Variants in UBAP2L observed in about 807,000 individuals in gnomAD.
UBAP2L encodes the protein ubiquitin-associated protein 2-like.
UBAP2L carries 12 observed loss-of-function variants against 130.6 expected under a neutral mutation model. The observed-to-expected ratio is 0.09, with a 90% confidence interval of 0.06 to 0.15. UBAP2L has a LOEUF of 0.15. Among genes scored for constraint, UBAP2L ranks in the 10% least tolerant of loss-of-function variants. UBAP2L has a pLI of 1.00. For missense variants in UBAP2L, 965 were observed against 1,332.5 expected (o/e 0.72, Z 4.29); for synonymous variants, 503 against 524.7 (o/e 0.96, Z 0.57).
chr1:154,257,620 T>C (rs1680068051), intron 20 of UBAP2L, 186 bp downstream of exon 20: 6 of 626,820 alleles, frequency 9.6e-6, no homozygotes, highest in Non-Finnish European at 1.6e-5. Flanking sequence ...TTTTGATCTG[T>C]GTGTCTGGTT....
chr1:154,267,878 G>GTTTTTTTTTTTTTTT (rs1558238296), intron 25 of UBAP2L, among the ~76,000 whole-genome samples: 3 of 62,730 alleles, frequency 4.8e-5, no homozygotes, highest in Non-Finnish European at 1.1e-4. Context: ...CTCTTATTTG[G>GTTTTTTTTTTTTTTT]TCTTTTTTTT....
In UBAP2L at chr1:154,249,339, T is replaced by TGGCTCAGTTGGC; in HGVS notation, c.1116_1127dup (p.Leu375_Gln378dup). The TGGCTCAGTTGGC allele has an allele frequency of 6.2e-7, 1 of 1,614,220 alleles. No homozygotes were observed. The highest frequency in any genetic ancestry group is 8.5e-7 in the Non-Finnish European group (1 of 1,180,040). ...GAGCAATTCAAGACTGCCCAAGCCC[T>TGGCTCAGTTGGC]GGCTCAGTTGGCAGCTCAGCATTCT... is the stretch of plus-strand genomic sequence containing the variant. On this transcript the variant is annotated inframe_insertion, in exon 12 of 27. Coordinates refer to ENST00000428931, the MANE Select transcript of UBAP2L (RefSeq NM_014847.4).
intron 16 of UBAP2L, 122 bp from the exon 17 acceptor site, chr1:154,255,030 A>G: frequency 7.1e-7 from 1 of 1,408,516 alleles, no homozygotes; most frequent in Admixed American, 2.2e-5. Context: ...GATTCTACCT[A>G]ATATAGTCCA....
intron 10 of UBAP2L, among the ~76,000 whole-genome samples, chr1:154,244,206 A>G (rs1674566541): frequency 6.6e-6 from 1 of 152,174 alleles, no homozygotes; most frequent in Admixed American, 6.5e-5. Context: ...TTAACTACCC[A>G]GAGTTAATGC....
chr1:154,255,319 C>T lies in UBAP2L; in HGVS notation c.2077C>T (p.His693Tyr). Reference protein sequence around the residue: ...EEIPNTTTTQHSSTLSTQQNT... With the variant: ...EEIPNTTTTQYSSTLSTQQNT... Reference sequence around the variant, plus strand: ...GATTCCAAATACTACCACCACACAACACAGCAGGTGATTTGGGGTGAGGAT... The same window carrying T: ...GATTCCAAATACTACCACCACACAATACAGCAGGTGATTTGGGGTGAGGAT... Residue 693 changes from histidine (H) to tyrosine (Y), a missense_variant, in exon 17 of 27, where the codon CAC (histidine) becomes TAC (tyrosine). Physicochemically the swap from His to Tyr is moderately conservative, Grantham distance 83 (BLOSUM62 2). This residue lies in a region of UBAP2L where 393 missense variants were observed against 408.1 expected (regional missense o/e 0.96). Transcript: ENST00000428931. 6.2e-7 allele frequency: 1 copy of T among 1,613,770 alleles called. No homozygotes were observed. Among genetic ancestry groups the T allele is most frequent in the Non-Finnish European group, 8.5e-7 (1 of 1,179,826 alleles).
At chr1:154,260,333 C>T (rs1390492572) in intron 22 of UBAP2L, among the ~76,000 whole-genome samples, 1 of 152,114 alleles carries the variant, frequency 6.6e-6, no homozygotes, top group Non-Finnish European at 1.5e-5. Context: ...CATAGCAAGA[C>T]CCCATCTCCA....
Position 154,257,078 on chromosome 1 carries a change from A to C in UBAP2L, c.2173A>C (p.Ser725Arg). The C allele has an allele frequency of 6.2e-7, 1 of 1,613,618 alleles. No homozygotes were observed. The highest frequency in any genetic ancestry group is 8.5e-7 in the Non-Finnish European group (1 of 1,180,008). Reference sequence around the variant, plus strand: ...CCTTTTGAAGCACACAAGTGTGGAGAGTGAGGCGAATCTCCATTCTTCCTC... The same window carrying C: ...CCTTTTGAAGCACACAAGTGTGGAGCGTGAGGCGAATCTCCATTCTTCCTC... ...TSTLLHTSVESEANLHSSSST... is the reference protein window; with the variant it reads ...TSTLLHTSVEREANLHSSSST... Residue 725 changes from serine to arginine, a missense_variant, in exon 19 of 27, where the codon AGT (serine) becomes CGT (arginine). By Grantham distance (110) the Ser-to-Arg change is moderately radical (BLOSUM62 -1). Coordinates refer to ENST00000428931, the MANE Select transcript of UBAP2L (RefSeq NM_014847.4).
intron 16 of UBAP2L, 89 bp from the exon 17 acceptor site, chr1:154,255,063 G>T (rs1242522875): frequency 3.4e-6 from 5 of 1,482,868 alleles, no homozygotes; most frequent in Non-Finnish European, 4.6e-6. Context: ...TCATCCTTTT[G>T]TCTTTGGAAC....
At chr1:154,225,923 C>T (rs914200597) in intron 2 of UBAP2L, among the ~76,000 whole-genome samples, 1 of 152,228 alleles carries the variant, frequency 6.6e-6, no homozygotes, top group Admixed American at 6.5e-5. Flanking sequence ...AAGCAATTCT[C>T]CTGCCTCAGC....
At chr1:154,260,145 C>A in intron 22 of UBAP2L, 116 bp downstream of exon 22, 1 of 1,155,354 alleles carries the variant, frequency 8.7e-7, no homozygotes, top group Non-Finnish European at 1.3e-6. Flanking sequence ...GATTCAAAAT[C>A]CTGCTAAAGT....
chr1:154,221,541 A>G (rs1275965239), intron 1 of UBAP2L: 1 of 152,610 alleles, frequency 6.6e-6, no homozygotes, highest in South Asian at 2.1e-4. Context: ...GAGCTCCCCC[A>G]AACTCCCCCA....
chr1:154,256,329 A>G (rs1392221883), intron 18 of UBAP2L, among the ~76,000 whole-genome samples: 2 of 152,192 alleles, frequency 1.3e-5, no homozygotes, highest in African/African-American at 2.4e-5. Context: ...TCAAATACAC[A>G]GTTTCAGATT....
At chr1:154,245,856 A>G (rs1481565730) in intron 10 of UBAP2L, among the ~76,000 whole-genome samples, 2 of 152,214 alleles carry the variant, frequency 1.3e-5, no homozygotes, top group Non-Finnish European at 2.9e-5. Flanking sequence ...CAGAGCTAGC[A>G]GTGAGCCAAG....
At chr1:154,238,747 T>A (rs1672523075) in intron 8 of UBAP2L, among the ~76,000 whole-genome samples, 1 of 152,116 alleles carries the variant, frequency 6.6e-6, no homozygotes, top group Non-Finnish European at 1.5e-5. Flanking sequence ...TTCTTTTCTT[T>A]TTTTCTTTTT....
downstream of UBAP2L, chr1:154,270,981 A>T (rs12354278): frequency 0.12 from 183,234 of 1,536,104 alleles, 11,832 homozygotes; most frequent in Non-Finnish European, 0.13. Flanking sequence ...ATAAAATGAA[A>T]TCTTCGCCCT....
Position 154,249,219 on chromosome 1 carries a change from ATC to A in UBAP2L, c.1015-16_1015-15del, listed in dbSNP as rs754243965. Reference sequence around the variant, plus strand: ...AGGTTACTGGCTGTAGGTTTCTCTCATCTCTTTGTTGATCTACAGGTGAGCAT... The same window carrying A: ...AGGTTACTGGCTGTAGGTTTCTCTCATCTTTGTTGATCTACAGGTGAGCAT... On this transcript the variant is annotated intron_variant, in intron 11 of 26. Coordinates refer to ENST00000428931, the MANE Select transcript of UBAP2L (RefSeq NM_014847.4). 7.4e-6 allele frequency: 12 copies of A among 1,613,042 alleles called. No individual in the cohort carries two copies. The highest frequency in any genetic ancestry group is 1.0e-5 in the Non-Finnish European group (12 of 1,179,226).
At chr1:154,263,772 G>A (rs1457672684) in intron 24 of UBAP2L, among the ~76,000 whole-genome samples, 1 of 152,172 alleles carries the variant, frequency 6.6e-6, no homozygotes, top group Non-Finnish European at 1.5e-5. Context: ...TCTTTCCTTT[G>A]CCTCTTACAT....
intron 11 of UBAP2L, 154 bp downstream of exon 11, chr1:154,246,529 A>T: frequency 2.7e-6 from 2 of 740,798 alleles, no homozygotes; most frequent in Non-Finnish European, 4.3e-6. Context: ...TGAGTTGGGT[A>T]ATAGGGGGTA....
intron 8 of UBAP2L, among the ~76,000 whole-genome samples, chr1:154,240,807 A>G (rs987808195): frequency 6.6e-6 from 1 of 151,460 alleles, no homozygotes; most frequent in African/African-American, 2.4e-5. Context: ...TTTGTCTTAT[A>G]CTAGATAAAT....
Sources: gnomAD v4.1 joint callset for allele counts (sites outside exome capture counted in the v4.1 genomes callset) on GRCh38, gnomAD v4.1.1 for gene constraint, gnomAD v4.1.1 regional missense constraint, MANE v1.5 for transcripts, NCBI Gene and HGNC (gene_info 2026-07-23, HGNC 2026-07-21) for gene names.